The following SLC12A2 variants were observed in gnomAD, a reference collection of about 807,000 sequenced individuals.
The protein encoded by SLC12A2 is solute carrier family 12 member 2, also known as Na-K-2Cl cotransporter 1.
SLC12A2 carries 67 observed loss-of-function variants against 136.3 expected under a neutral mutation model. The ratio of observed to expected loss-of-function variants is 0.49; its 90% CI spans 0.40 to 0.60. The LOEUF is 0.60. Among genes scored for constraint, SLC12A2 ranks in the 20% least tolerant of loss-of-function variants. The probability of loss-of-function intolerance (pLI) is 0.00; values close to 1 mark genes in which losing one functional copy is unlikely to be tolerated. For missense variants in SLC12A2, 1,322 were observed against 1,534.7 expected (o/e 0.86, Z 2.32); for synonymous variants, 619 against 562.9 (o/e 1.10, Z -1.41).
Position 128,188,048 on chromosome 5 carries a change from T to G in SLC12A2, c.*1417T>G, listed in dbSNP as rs905748220. ...TATAATGAAATTTATGTTGCTGGTA[T>G]TTTGCATTTTAAAGTGATCAAGATT... On this transcript the variant is annotated 3_prime_UTR_variant, in exon 27 of 27. Transcript: ENST00000262461. 1 of 152,248 alleles carries G rather than the reference T, an allele frequency of 6.6e-6. No homozygotes were observed. The highest frequency in any genetic ancestry group is 1.5e-5 in the Non-Finnish European group (1 of 68,028). 9.4% of individuals were successfully genotyped at this position (152,248 alleles called of 1,614,324 possible).
At chr5:128,110,861 A>T in intron 1 of SLC12A2, 2 of 1,416,008 alleles carry the variant, frequency 1.4e-6, no homozygotes, top group Non-Finnish European at 2.0e-6. Flanking sequence ...TATTATTTCA[A>T]ACTTTTCCAG....
intron 4 of SLC12A2, among the ~76,000 whole-genome samples, chr5:128,125,045 A>G (rs745498480): frequency 6.6e-6 from 1 of 152,240 alleles, no homozygotes; most frequent in African/African-American, 2.4e-5. Context: ...TTCTTCTTAC[A>G]TCACAACATC....
At position 128,088,421 on chromosome 5, in the gene SLC12A2, A is replaced by G. The variant is rs1386762753; in HGVS notation, c.756+3711A>G. Among the ~76,000 whole-genome samples, 3 of 152,244 alleles carry G rather than the reference A, an allele frequency of 2.0e-5. No individual in the cohort carries two copies. The South Asian group carries it at 6.2e-4, about 32-fold the overall frequency. ...GAAGAAATAAAAGGTGGAGGGTAAC[A>G]AAGTATTTGATGGACATCTTCAACA... On this transcript the variant is annotated intron_variant, in intron 1 of 26. Coordinates refer to ENST00000262461, the MANE Select transcript of SLC12A2 (RefSeq NM_001046.3).
chr5:128,116,389 A>C (rs1325803486), intron 4 of SLC12A2, among the ~76,000 whole-genome samples: 2 of 30,904 alleles, frequency 6.5e-5, no homozygotes, highest in Admixed American at 3.9e-4. Flanking sequence ...TAGTGTGTAT[A>C]TATAAATATA....
intron 1 of SLC12A2, among the ~76,000 whole-genome samples, chr5:128,093,277 C>T (rs1309509246): frequency 6.6e-6 from 1 of 152,056 alleles, no homozygotes; most frequent in Non-Finnish European, 1.5e-5. Context: ...CCTTTGCAGT[C>T]GCCTCCTTCT....
chr5:128,145,727 A>C (rs1762511694), intron 10 of SLC12A2, among the ~76,000 whole-genome samples: 1 of 152,004 alleles, frequency 6.6e-6, no homozygotes, highest in Non-Finnish European at 1.5e-5. Context: ...ATGAAATCAG[A>C]CTTATGCATT....
At chr5:128,130,967 G>A (rs1761999247) in intron 4 of SLC12A2, 100 bp from the exon 5 acceptor site, 19 of 1,063,892 alleles carry the variant, frequency 1.8e-5, no homozygotes, top group Non-Finnish European at 2.1e-5. Context: ...TGCTTATTGG[G>A]GGCATCTGCT....
At chr5:128,136,634 T>G (rs1447393105) in intron 7 of SLC12A2, among the ~76,000 whole-genome samples, 2 of 152,106 alleles carry the variant, frequency 1.3e-5, no homozygotes, top group Non-Finnish European at 2.9e-5. Context: ...TCTTAGTCAT[T>G]CCTTCTCCTT....
At chr5:128,129,858 A>T (rs1761951282) in intron 4 of SLC12A2, among the ~76,000 whole-genome samples, 1 of 152,320 alleles carries the variant, frequency 6.6e-6, no homozygotes, top group Admixed American at 6.5e-5. Context: ...TAGAGACTTC[A>T]GGTAAGCATT....
At chr5:128,156,855 G>C (rs1248230807) in intron 15 of SLC12A2, among the ~76,000 whole-genome samples, 1 of 152,110 alleles carries the variant, frequency 6.6e-6, no homozygotes, top group Non-Finnish European at 1.5e-5. Flanking sequence ...TTTTTTAAAG[G>C]ACACGCCCTG....
At chr5:128,095,233 T>A (rs1030874774) in intron 1 of SLC12A2, among the ~76,000 whole-genome samples, 3 of 152,160 alleles carry the variant, frequency 2.0e-5, no homozygotes, top group Non-Finnish European at 4.4e-5. Flanking sequence ...CTGTGAATAA[T>A]TTAATATTGT....
rs59807299 is a variant in SLC12A2 at position 128,130,035 on chromosome 5, G to GT, written c.1049-1020dup. On this transcript the variant is annotated intron_variant, in intron 4 of 26. Transcript: ENST00000262461. ...CCATTATATGCTCTTGTGAGACTTT[G>GT]TTTTTTTTTTTTGGTCTTGGTATTC... Among the ~76,000 whole-genome samples, 1,414 of 141,912 alleles carry GT rather than the reference G, an allele frequency of 1.0e-2. 14 individuals carry two copies. Among genetic ancestry groups the GT allele is most frequent in the African/African-American group, 0.024 (922 of 39,042 alleles). 93.1% of individuals were successfully genotyped at this position (141,912 alleles called of 152,430 possible).
chr5:128,137,717 T>C (rs1377936572), intron 7 of SLC12A2, among the ~76,000 whole-genome samples: 3 of 152,130 alleles, frequency 2.0e-5, no homozygotes, highest in African/African-American at 7.2e-5. Context: ...GTCGGTTATC[T>C]TAGAGTCAGA....
Position 128,149,981 on chromosome 5 carries a change from T to C in SLC12A2, c.2006-16T>C. 1 of 1,552,920 alleles carries C rather than the reference T, an allele frequency of 6.4e-7. No homozygotes were observed. The highest frequency in any genetic ancestry group is 8.9e-7 in the Non-Finnish European group (1 of 1,127,444). On this transcript the variant is annotated splice_polypyrimidine_tract_variant and intron_variant, in intron 12 of 26. Coordinates refer to ENST00000262461, the MANE Select transcript of SLC12A2 (RefSeq NM_001046.3). ...GTCTAATACGTCAGTAAATCTCGCA[T>C]GTGTTTGTTCTGCAGCTGAACTGAA...
intron 11 of SLC12A2, among the ~76,000 whole-genome samples, chr5:128,148,099 A>T (rs1762588688): frequency 6.6e-6 from 1 of 151,706 alleles, no homozygotes; most frequent in Admixed American, 6.6e-5. Flanking sequence ...ATATCAACCT[A>T]AATATTTTAT....
Position 128,184,398 on chromosome 5 carries a change from A to G in SLC12A2, c.3332A>G (p.Tyr1111Cys). The change falls in exon 25 of 27, where the codon TAC becomes TGC. Residue 1111 changes from tyrosine (Y) to cysteine (C), a missense_variant. Transcript: ENST00000262461. The stretch of plus-strand genomic sequence containing the variant: ...GCTTTTGAGGAAATCATTGAGCCAT[A>G]CAGACTTCATGAAGATGATAAAGAG... The part of the protein sequence containing the change: ...IIAFEEIIEP[Y>C]RLHEDDKEQD... 6.3e-7 allele frequency: 1 copy of G among 1,590,194 alleles called. No individual in the cohort carries two copies. Among genetic ancestry groups the G allele is most frequent in the Non-Finnish European group, 8.6e-7 (1 of 1,165,462 alleles).
chr5:128,119,731 G>A (rs1217077843), intron 4 of SLC12A2, among the ~76,000 whole-genome samples: 2 of 152,100 alleles, frequency 1.3e-5, no homozygotes, highest in African/African-American at 4.8e-5. Context: ...AGACTTAAAC[G>A]TTAGACCTAA....
At position 128,151,341 on chromosome 5, in the gene SLC12A2, G is replaced by A. The variant is rs751228230; in HGVS notation, c.2208G>A (p.Leu736=). The A allele has an allele frequency of 1.9e-6, 3 of 1,612,194 alleles. No individual in the cohort carries two copies. In the South Asian group the frequency reaches 3.3e-5, roughly 18 times the overall value. The change falls in exon 14 of 27, where the codon TTG becomes TTA. Residue 736 remains leucine, a synonymous_variant. Coordinates refer to ENST00000262461, the MANE Select transcript of SLC12A2 (RefSeq NM_001046.3). ...TCGTCATTAACTGGTGGGCTGCATT[G>A]CTAACATATGTGATAGTCCTTGGGC... ...VMFVINWWAA[L]LTYVIVLGLY... is the part of the protein sequence containing the mutation.
chr5:128,091,510 C>T (rs548689007), intron 1 of SLC12A2, among the ~76,000 whole-genome samples: 3 of 152,144 alleles, frequency 2.0e-5, no homozygotes, highest in African/African-American at 7.2e-5. Flanking sequence ...GGGTTGATTC[C>T]ACAAAGTGAA....
Sources: allele counts gnomAD v4.1 joint callset (sites outside exome capture counted in the v4.1 genomes callset), GRCh38; gene constraint gnomAD v4.1.1; transcripts MANE v1.5; gene names NCBI Gene and HGNC (gene_info 2026-07-23, HGNC 2026-07-21).